Variants in RABGAP1L observed in about 807,000 individuals in gnomAD.
The protein encoded by RABGAP1L is rab GTPase-activating protein 1-like.
A neutral mutation model predicts 137.7 loss-of-function variants in RABGAP1L; 63 were observed. The ratio of observed to expected loss-of-function variants is 0.46; its 90% CI spans 0.37 to 0.56. The LOEUF (loss-of-function observed/expected upper bound fraction) is 0.56, where lower values mean the gene tolerates loss of function less well. Ranked by LOEUF, RABGAP1L falls within the 20% of genes least tolerant of loss-of-function variation. The pLI is 0.00. For synonymous variants in RABGAP1L, 431 were observed against 433.7 expected (o/e 0.99, Z 0.08); for missense variants, 1,095 against 1,244.0 (o/e 0.88, Z 1.80).
At chr1:174,320,960 C>T (rs1272280749) in intron 11 of RABGAP1L, among the ~76,000 whole-genome samples, 1 of 152,202 alleles carries the variant, frequency 6.6e-6, no homozygotes, top group South Asian at 2.1e-4. Context: ...TGGAACAGAG[C>T]CATGTTTCTC....
intron 19 of RABGAP1L, among the ~76,000 whole-genome samples, chr1:174,842,387 G>C (rs1693511585): frequency 6.6e-6 from 1 of 152,246 alleles, no homozygotes; most frequent in Middle Eastern, 3.4e-3. Context: ...CTCATTACTA[G>C]GATTTGAAAA....
intron 13 of RABGAP1L, among the ~76,000 whole-genome samples, chr1:174,465,252 T>G (rs2149292195): frequency 6.6e-6 from 1 of 152,234 alleles, no homozygotes; most frequent in East Asian, 1.9e-4. Context: ...CAGGCTGGAG[T>G]GCAATGGTGT....
intron 15 of RABGAP1L, among the ~76,000 whole-genome samples, chr1:174,696,127 AG>A (rs937433264): frequency 1.3e-5 from 2 of 152,002 alleles, no homozygotes; most frequent in Admixed American, 1.3e-4. Context: ...TCAAGGCCCC[AG>A]GGTCTTTCCA....
chr1:174,168,773 T>A (rs1665116747), intron 1 of RABGAP1L, among the ~76,000 whole-genome samples: 2 of 152,202 alleles, frequency 1.3e-5, no homozygotes, highest in Non-Finnish European at 2.9e-5. Context: ...TTGCCAACAC[T>A]AATGAACATA....
chr1:174,868,062 G>A (rs962637947), intron 19 of RABGAP1L, among the ~76,000 whole-genome samples: 2 of 151,990 alleles, frequency 1.3e-5, no homozygotes, highest in Non-Finnish European at 2.9e-5. Flanking sequence ...GCCGCCTGGG[G>A]TTAAGCCTCA....
At chr1:174,291,512 G>T (rs749743319) in intron 10 of RABGAP1L, among the ~76,000 whole-genome samples, 2 of 152,106 alleles carry the variant, frequency 1.3e-5, no homozygotes, top group African/African-American at 2.4e-5. Context: ...TTTGCTGGGA[G>T]AATTTTTATA....
intron 13 of RABGAP1L, among the ~76,000 whole-genome samples, chr1:174,478,511 A>G (rs1281953113): frequency 6.6e-6 from 1 of 152,054 alleles, no homozygotes; most frequent in Admixed American, 6.6e-5. Context: ...TCCTGGCCTC[A>G]ACTGATCCTC....
intron 13 of RABGAP1L, among the ~76,000 whole-genome samples, chr1:174,574,078 G>A (rs575324812): frequency 8.5e-5 from 13 of 152,254 alleles, no homozygotes; most frequent in South Asian, 2.1e-4. Context: ...CAGCCTTATC[G>A]GGTCATTACA....
intron 4 of RABGAP1L, among the ~76,000 whole-genome samples, chr1:174,241,160 A>T (rs1671791898): frequency 6.6e-6 from 1 of 152,082 alleles, no homozygotes; most frequent in South Asian, 2.1e-4. Context: ...TCTCTACAAG[A>T]AATACAAAAA....
chr1:174,271,406 T>C (rs1014264901), intron 7 of RABGAP1L, among the ~76,000 whole-genome samples: 1 of 152,136 alleles, frequency 6.6e-6, no homozygotes, highest in Non-Finnish European at 1.5e-5. Flanking sequence ...GCTGCCACTA[T>C]TTTGAAATTG....
intron 13 of RABGAP1L, among the ~76,000 whole-genome samples, chr1:174,429,387 T>A (rs988113530): frequency 1.3e-5 from 2 of 151,608 alleles, no homozygotes; most frequent in Admixed American, 1.3e-4. Context: ...CTAAGGAAAA[T>A]CCATGGCACT....
chr1:174,620,140 C>T lies in RABGAP1L; in HGVS notation c.1711-17235C>T, dbSNP rs552095179. ...GAGCACCCAGATTCATAATGGAAGCCGTTAGAGACCTGCAAGAGACTTAGA... is the reference window on the plus strand; with the variant it reads ...GAGCACCCAGATTCATAATGGAAGCTGTTAGAGACCTGCAAGAGACTTAGA... On this transcript the variant is annotated intron_variant, in intron 13 of 25. Transcript: ENST00000681986. 1.2e-4 allele frequency among the ~76,000 whole-genome samples: 19 copies of T among 152,148 alleles called. No homozygotes were observed. The South Asian group carries it at 1.5e-3, about 12-fold the overall frequency.
intron 13 of RABGAP1L, among the ~76,000 whole-genome samples, chr1:174,517,745 C>G (rs988038573): frequency 1.3e-5 from 2 of 152,300 alleles, no homozygotes; most frequent in East Asian, 3.9e-4. Flanking sequence ...GAATGTTTGT[C>G]TTTAATGTAT....
intron 12 of RABGAP1L, among the ~76,000 whole-genome samples, chr1:174,383,604 C>A (rs1240611969): frequency 6.6e-6 from 1 of 152,148 alleles, no homozygotes; most frequent in Non-Finnish European, 1.5e-5. Flanking sequence ...ACTCCCTGAC[C>A]CCTTGCGCTT....
intron 19 of RABGAP1L, chr1:174,893,018 T>C: frequency 4.0e-6 from 1 of 248,100 alleles, no homozygotes; most frequent in Non-Finnish European, 8.2e-6. Context: ...AGTGCTGGGG[T>C]TACAGGCATG....
intron 13 of RABGAP1L, among the ~76,000 whole-genome samples, chr1:174,617,190 G>A (rs1329112530): frequency 2.0e-5 from 3 of 152,170 alleles, no homozygotes; most frequent in Non-Finnish European, 4.4e-5. Context: ...TCTCTAGACT[G>A]CTATTTATGA....
At chr1:174,707,218 C>CTGTTTTGTTT (rs3084003) in intron 17 of RABGAP1L, among the ~76,000 whole-genome samples, 32,113 of 150,390 alleles carry the variant, frequency 0.21, 3,587 homozygotes, top group African/African-American at 0.24. Context: ...AGGTTTTGTT[C>CTGTTTTGTTT]TGTTTTGTTT....
intron 18 of RABGAP1L, chr1:174,757,065 G>A (rs1163385726): frequency 5.6e-6 from 3 of 531,998 alleles, no homozygotes; most frequent in East Asian, 5.4e-5. Context: ...CTCCCTACTG[G>A]CTTTTCCCCC....
chr1:174,884,056 GTCACAGTA>G (rs1453303591), intron 19 of RABGAP1L, among the ~76,000 whole-genome samples: 1 of 152,136 alleles, frequency 6.6e-6, no homozygotes, highest in Non-Finnish European at 1.5e-5. Context: ...GAAATTCAAG[GTCACAGTA>G]TCACGGTAAG....
Sources: allele counts gnomAD v4.1 joint callset (sites outside exome capture counted in the v4.1 genomes callset), GRCh38; gene constraint gnomAD v4.1.1; transcripts MANE v1.5; gene names NCBI Gene and HGNC (gene_info 2026-07-23, HGNC 2026-07-21).